The following TRIM49 variants were observed in gnomAD, a reference collection of about 807,000 sequenced individuals.
The protein encoded by TRIM49 is tripartite motif-containing protein 49.
TRIM49 carries 5 observed loss-of-function variants against 27.4 expected under a neutral mutation model. The observed-to-expected ratio is 0.18, with a 90% CI of 0.10 to 0.38. The LOEUF (loss-of-function observed/expected upper bound fraction) is 0.38, where lower values mean the gene tolerates loss of function less well. TRIM49 is among the 10% of genes least tolerant of loss of function. The probability of loss-of-function intolerance (pLI) is 1.00; values close to 1 mark genes in which losing one functional copy is unlikely to be tolerated. For synonymous variants in TRIM49, 69 were observed against 166.0 expected, an observed-to-expected ratio of 0.42 and a Z score of 4.49; for missense variants, 188 against 487.5, an observed-to-expected ratio of 0.39 and a Z score of 5.79.
chr11:89,807,149 G>C lies in TRIM49; in HGVS notation c.-55C>G, dbSNP rs1364704980. The C allele has an allele frequency of 1.3e-4, 20 of 152,922 alleles. No individual in the cohort carries two copies. Among genetic ancestry groups the C allele is most frequent in the African/African-American group, 4.9e-4 (20 of 40,840 alleles). 9.5% of individuals were successfully genotyped at this position (152,922 alleles called of 1,614,324 possible). On this transcript the variant is annotated 5_prime_UTR_variant, in exon 2 of 8. Coordinates refer to ENST00000329758, the MANE Select transcript of TRIM49 (RefSeq NM_020358.2). Reference sequence around the variant, plus strand: ...CAACGATTTTTCCAAAAATAATTTTGTTAAGTTCACCTCAAGATCAGAAGC... The same window carrying C: ...CAACGATTTTTCCAAAAATAATTTTCTTAAGTTCACCTCAAGATCAGAAGC...
intron 2 of TRIM49, among the ~76,000 whole-genome samples, chr11:89,805,684 T>C (rs1371360176): frequency 6.7e-6 from 1 of 150,030 alleles, no homozygotes. Flanking sequence ...GACAGATGTA[T>C]GTTCTGAGAA....
At chr11:89,787,627 GC>G in the TRIM49 span, 1 of 794,876 alleles carries the variant, frequency 1.3e-6, no homozygotes, top group Non-Finnish European at 1.9e-6. Context: ...GCATGGTGGT[GC>G]CCCGGGTCCG....
the TRIM49 span, among the ~76,000 whole-genome samples, chr11:89,768,633 G>A: frequency 1.6e-3 from 214 of 135,028 alleles, no homozygotes; most frequent in Non-Finnish European, 2.5e-3. Context: ...TTTAATGTCT[G>A]ATAAGAGGCA....
At chr11:89,804,600 T>C (rs1949773479) in intron 2 of TRIM49, 127 bp from the exon 3 acceptor site, 1 of 1,103,858 alleles carries the variant, frequency 9.1e-7, no homozygotes, top group Non-Finnish European at 1.3e-6. Context: ...ACAAACTATT[T>C]CTTCTGTTAC....
At chr11:89,792,814 C>T (rs11528981), downstream of TRIM49, among the ~76,000 whole-genome samples, 52,638 of 150,306 alleles carry the variant, frequency 0.35, 4,486 homozygotes, top group East Asian at 0.52. Context: ...AATTGACACC[C>T]TAACATCACA....
chr11:89,772,258 T>A, the TRIM49 span, among the ~76,000 whole-genome samples: 1 of 137,370 alleles, frequency 7.3e-6, no homozygotes, highest in Non-Finnish European at 1.5e-5. Flanking sequence ...ACATAACATA[T>A]AAAATATGCG....
chr11:89,785,884 G>A, the TRIM49 span: 1 of 144,144 alleles, frequency 6.9e-6, no homozygotes, highest in Admixed American at 6.8e-5. Flanking sequence ...TGAGAGGCAG[G>A]GACCTTGGCG....
the TRIM49 span, among the ~76,000 whole-genome samples, chr11:89,784,768 T>C: frequency 4.8e-5 from 7 of 144,940 alleles, no homozygotes; most frequent in East Asian, 1.5e-3. Context: ...TTAATTTAGC[T>C]CAGATTCACT....
At chr11:89,768,877 C>A in the TRIM49 span, 6 of 498,422 alleles carry the variant, frequency 1.2e-5, no homozygotes, top group South Asian at 8.8e-5. Context: ...AAAACGACTC[C>A]TTTAGAAAGT....
At chr11:89,784,632 G>T in the TRIM49 span, among the ~76,000 whole-genome samples, 21 of 140,376 alleles carry the variant, frequency 1.5e-4, 3 homozygotes, top group Non-Finnish European at 2.8e-4. Context: ...TCCTTTTTTT[G>T]ATTTTCTCCT....
the TRIM49 span, chr11:89,777,518 G>GA: frequency 2.3e-6 from 3 of 1,301,198 alleles, no homozygotes; most frequent in South Asian, 1.5e-5. Flanking sequence ...CATAACACAT[G>GA]AATGTGTCCT....
the TRIM49 span, among the ~76,000 whole-genome samples, chr11:89,784,931 C>G: frequency 2.7e-5 from 4 of 148,898 alleles, no homozygotes; most frequent in South Asian, 8.3e-4. Context: ...ATACTTAATT[C>G]ATTTATTATC....
At position 89,799,926 on chromosome 11, in the gene TRIM49, T is replaced by G; in HGVS notation, c.762-113A>C. ...TCCTTTGAATCTACACATTTGATAATTCAAAAATTAATCCTTCCTTTTGCA... is the reference window on the plus strand; with the variant it reads ...TCCTTTGAATCTACACATTTGATAAGTCAAAAATTAATCCTTCCTTTTGCA... On this transcript the variant is annotated intron_variant, in intron 6 of 7. Transcript: ENST00000329758. 2.9e-6 allele frequency: 4 copies of G among 1,392,208 alleles called. No individual in the cohort carries two copies. In the South Asian group the frequency reaches 5.1e-5, roughly 18 times the overall value. 86.2% of individuals were successfully genotyped at this position (1,392,208 alleles called of 1,614,324 possible).
chr11:89,791,705 T>A, the TRIM49 span, among the ~76,000 whole-genome samples: 1 of 152,046 alleles, frequency 6.6e-6, no homozygotes, highest in East Asian at 1.9e-4. Flanking sequence ...AGAGATTTTG[T>A]CACCACCAGG....
rs1473000456 is a variant in TRIM49, at chr11:89,808,204, A to G, written c.-191+233T>C. On this transcript the variant is annotated intron_variant, in intron 1 of 7. Transcript: ENST00000329758. The stretch of plus-strand genomic sequence containing the variant: ...CTATGCCAAGTCTTTTTGTTGTTAT[A>G]TGAAAATTATTTTTTTTAAAAAAGA... Among the ~76,000 whole-genome samples the G allele has an allele frequency of 1.3e-3, 165 of 128,924 alleles. 3 individuals carry two copies. Among genetic ancestry groups the G allele is most frequent in the African/African-American group, 6.4e-3 (162 of 25,484 alleles). 84.6% of individuals were successfully genotyped at this position (128,924 alleles called of 152,430 possible). A position where few individuals can be genotyped will look rare whatever the true frequency, so the allele number is the denominator to read the frequency against.
chr11:89,796,423 A>G (rs1201666296), downstream of TRIM49, among the ~76,000 whole-genome samples: 1 of 138,014 alleles, frequency 7.2e-6, no homozygotes, highest in Non-Finnish European at 1.5e-5. Flanking sequence ...TTTAGTAGAC[A>G]TGAGGTCTGA....
chr11:89,769,393 A>G, the TRIM49 span, among the ~76,000 whole-genome samples: 2 of 136,726 alleles, frequency 1.5e-5, 1 homozygote, highest in South Asian at 4.5e-4. Context: ...CATTTATTCT[A>G]CCGTTCATGG....
the TRIM49 span, chr11:89,787,097 G>A: frequency 3.1e-5 from 5 of 160,746 alleles, no homozygotes; most frequent in South Asian, 2.4e-4. Flanking sequence ...GCGGTTGGGG[G>A]AAAAGTACCA....
chr11:89,797,068 A>AT (rs1264485637), downstream of TRIM49, among the ~76,000 whole-genome samples: 3 of 152,078 alleles, frequency 2.0e-5, no homozygotes, highest in Non-Finnish European at 4.4e-5. Context: ...AAATTTTGGT[A>AT]TTTTTTTATG....
Sources: allele counts gnomAD v4.1 joint callset (sites outside exome capture counted in the v4.1 genomes callset), GRCh38; gene constraint gnomAD v4.1.1; transcripts MANE v1.5; gene names NCBI Gene and HGNC (gene_info 2026-07-23, HGNC 2026-07-21).